Variants in CPAP observed in about 807,000 individuals in gnomAD.
CPAP encodes centrosomal P4.1-associated protein.
chr13:24,899,288 GATT>G, the CPAP span: 3 of 702,640 alleles, frequency 4.3e-6, no homozygotes, highest in African/African-American at 1.8e-5. Context: ...GTCTCAGACA[GATT>G]ATTTGCTGAA....
the CPAP span, chr13:24,907,236 T>A: frequency 2.0e-6 from 3 of 1,485,310 alleles, no homozygotes; most frequent in Non-Finnish European, 1.9e-6. Context: ...AATCATAATG[T>A]GTGAATATTT....
chr13:24,913,367 G>T, the CPAP span, among the ~76,000 whole-genome samples: 2 of 151,360 alleles, frequency 1.3e-5, no homozygotes, highest in African/African-American at 4.9e-5. Flanking sequence ...AACAATGGAA[G>T]ATAAAATACC....
At chr13:24,903,091 A>G in the CPAP span, among the ~76,000 whole-genome samples, 7 of 152,220 alleles carry the variant, frequency 4.6e-5, no homozygotes, top group Non-Finnish European at 1.0e-4. Flanking sequence ...ATAGAGAGAA[A>G]TAATAAATAT....
At chr13:24,926,072 C>T in the CPAP span, among the ~76,000 whole-genome samples, 8 of 152,194 alleles carry the variant, frequency 5.3e-5, no homozygotes, top group East Asian at 9.6e-4. Flanking sequence ...TCTGAGTACT[C>T]GTTTCATCCA....
the CPAP span, among the ~76,000 whole-genome samples, chr13:24,892,391 C>T: frequency 6.6e-6 from 1 of 152,100 alleles, no homozygotes; most frequent in African/African-American, 2.4e-5. Flanking sequence ...TAAAATTCAC[C>T]GTCTTCAGCA....
At chr13:24,883,967 G>GTACTC in the CPAP span, 1 of 1,614,092 alleles carries the variant, frequency 6.2e-7, no homozygotes, top group African/African-American at 1.3e-5. Context: ...CCATACCGTT[G>GTACTC]TACTCTGACA....
chr13:24,916,310 A>G, the CPAP span, among the ~76,000 whole-genome samples: 1 of 152,144 alleles, frequency 6.6e-6, no homozygotes, highest in Non-Finnish European at 1.5e-5. Context: ...AATACAGCAA[A>G]ATATATATAT....
the CPAP span, chr13:24,892,538 C>T: frequency 2.2e-6 from 2 of 893,300 alleles, no homozygotes; most frequent in East Asian, 4.8e-5. Context: ...CACTGCCCCC[C>T]CAGCCCCTGG....
the CPAP span, among the ~76,000 whole-genome samples, chr13:24,932,159 G>C: frequency 6.6e-6 from 1 of 152,060 alleles, no homozygotes; most frequent in African/African-American, 2.4e-5. Context: ...ACTGACAAGG[G>C]ACCCGGAACA....
the CPAP span, among the ~76,000 whole-genome samples, chr13:24,894,451 G>A: frequency 1.3e-5 from 2 of 152,218 alleles, no homozygotes; most frequent in East Asian, 3.9e-4. Flanking sequence ...AGACGGCCGC[G>A]ATGAGGCCTG....
the CPAP span, chr13:24,922,770 A>G: frequency 6.6e-6 from 1 of 152,288 alleles, no homozygotes; most frequent in Non-Finnish European, 1.5e-5. Flanking sequence ...CCGCTCCGTG[A>G]AGCCTGGGCA....
the CPAP span, chr13:24,905,680 T>A: frequency 1.2e-6 from 2 of 1,614,216 alleles, no homozygotes; most frequent in Non-Finnish European, 1.7e-6. Context: ...TACTCAGACT[T>A]AGGGATGAGG....
At chr13:24,898,083 A>G in the CPAP span, among the ~76,000 whole-genome samples, 4 of 152,108 alleles carry the variant, frequency 2.6e-5, no homozygotes, top group Admixed American at 1.3e-4. Flanking sequence ...TTTCGTAGAG[A>G]TGGAGATTTG....
chr13:24,889,414 G>C, the CPAP span: 12 of 1,548,468 alleles, frequency 7.7e-6, no homozygotes, highest in Admixed American at 1.7e-5. Flanking sequence ...TAGTATAAGA[G>C]ATAATTTTTT....
At chr13:24,892,684 T>C in the CPAP span, 1 of 1,614,170 alleles carries the variant, frequency 6.2e-7, no homozygotes, top group African/African-American at 1.3e-5. Flanking sequence ...CTGCTCTCTA[T>C]GGCTTCTGCT....
At chr13:24,913,099 C>T in the CPAP span, 4 of 1,290,882 alleles carry the variant, frequency 3.1e-6, no homozygotes, top group Admixed American at 7.3e-5. Context: ...CACCTGTAGA[C>T]AAAAATAGCC....
the CPAP span, among the ~76,000 whole-genome samples, chr13:24,920,033 A>C: frequency 6.6e-6 from 1 of 152,122 alleles, no homozygotes; most frequent in Admixed American, 6.5e-5. Context: ...CGGCCTCCCA[A>C]AGTGCTGGTA....
chr13:24,888,470 G>C, the CPAP span, among the ~76,000 whole-genome samples: 34 of 152,256 alleles, frequency 2.2e-4, no homozygotes, highest in South Asian at 7.1e-3. Flanking sequence ...TGCTCACAGG[G>C]CCTTACCAGC....
At chr13:24,894,058 G>A in the CPAP span, among the ~76,000 whole-genome samples, 1 of 152,146 alleles carries the variant, frequency 6.6e-6, no homozygotes, top group Non-Finnish European at 1.5e-5. Flanking sequence ...CGTGTGGGAA[G>A]CAACAGGAGG....
Sources: allele counts gnomAD v4.1 joint callset (sites outside exome capture counted in the v4.1 genomes callset), GRCh38; gene constraint gnomAD v4.1.1; transcripts MANE v1.5; gene names NCBI Gene and HGNC (gene_info 2026-07-23, HGNC 2026-07-21).